CDK12: variants seen among roughly 807,000 people sequenced by gnomAD.
CDK12 encodes the protein cyclin-dependent kinase 12.
CDK12 carries 17 observed loss-of-function variants against 133.8 expected under a neutral mutation model. The ratio of observed to expected loss-of-function variants is 0.13; its 90% confidence interval spans 0.09 to 0.19. CDK12 has a LOEUF of 0.19. Ranked by LOEUF, CDK12 falls within the 10% of genes least tolerant of loss-of-function variation. The pLI, the probability that CDK12 is intolerant of heterozygous loss-of-function variation, is 1.00. For missense variants in CDK12, 1,508 were observed against 1,818.7 expected (o/e 0.83, Z 3.11); for synonymous variants, 694 against 683.6 (o/e 1.02, Z -0.24).
Position 39,470,867 on chromosome 17 carries a change from T to C in CDK12, c.1047-12T>C, listed in dbSNP as rs1043468837. The C allele has an allele frequency of 1.3e-6, 2 of 1,585,614 alleles. No individual in the cohort carries two copies. The highest frequency in any genetic ancestry group is 1.7e-6 in the Non-Finnish European group (2 of 1,170,356). The stretch of plus-strand genomic sequence containing the variant: ...AGTCCATTCATTTAAAACTGGCTTT[T>C]TATTTTTCCAGTAGGAAATCCATGA... On this transcript the variant is annotated splice_polypyrimidine_tract_variant and intron_variant, in intron 1 of 13. Coordinates refer to ENST00000447079, the MANE Select transcript of CDK12 (RefSeq NM_016507.4).
At chr17:39,504,895 A>AAAAC (rs1402724462) in intron 6 of CDK12, among the ~76,000 whole-genome samples, 1 of 150,580 alleles carries the variant, frequency 6.6e-6, no homozygotes, top group East Asian at 1.9e-4. Flanking sequence ...AAAAAAAAAA[A>AAAAC]AAAACGCTAA....
chr17:39,482,015 C>CATTTTTTTTT (rs773073791), intron 2 of CDK12, among the ~76,000 whole-genome samples: 5 of 96,226 alleles, frequency 5.2e-5, no homozygotes, highest in Non-Finnish European at 8.9e-5. Flanking sequence ...CCTGGCTTGC[C>CATTTTTTTTT]TTTTTTTTTT....
At chr17:39,538,188 A>G (rs1244921849), downstream of CDK12, among the ~76,000 whole-genome samples, 1 of 152,204 alleles carries the variant, frequency 6.6e-6, no homozygotes, top group African/African-American at 2.4e-5. Context: ...ATTCAAGAAT[A>G]AGGAGGAATG....
At chr17:39,520,872 A>G (rs939218436) in intron 11 of CDK12, among the ~76,000 whole-genome samples, 1 of 151,754 alleles carries the variant, frequency 6.6e-6, no homozygotes, top group Non-Finnish European at 1.5e-5. Flanking sequence ...TTTGAGATGG[A>G]GTTTCGCTCT....
chr17:39,476,362 G>A (rs1425492332), intron 2 of CDK12, among the ~76,000 whole-genome samples: 1 of 151,952 alleles, frequency 6.6e-6, no homozygotes. Flanking sequence ...GTCCGCCTCA[G>A]CCTCCCAAAG....
intron 5 of CDK12, 137 bp from the exon 6 acceptor site, chr17:39,501,113 T>A: frequency 1.8e-6 from 1 of 558,708 alleles, no homozygotes; most frequent in Non-Finnish European, 3.1e-6. Flanking sequence ...TTCGTTTCAG[T>A]TTCTTCATCT....
intron 2 of CDK12, among the ~76,000 whole-genome samples, chr17:39,551,365 CT>C (rs1229838011): frequency 6.6e-6 from 1 of 152,130 alleles, no homozygotes; most frequent in Non-Finnish European, 1.5e-5. Context: ...CACAAATCCC[CT>C]ACAGCCCCTG....
chr17:39,503,236 C>T (rs2052857920), intron 6 of CDK12, among the ~76,000 whole-genome samples: 1 of 152,144 alleles, frequency 6.6e-6, no homozygotes, highest in Non-Finnish European at 1.5e-5. Context: ...CCACGCCCAG[C>T]TAATTTTTCT....
chr17:39,496,678 G>A (rs796856731), intron 5 of CDK12, among the ~76,000 whole-genome samples: 47 of 152,114 alleles, frequency 3.1e-4, no homozygotes, highest in African/African-American at 1.1e-3. Context: ...TCCAGCCTGG[G>A]TGACAAGAGC....
At chr17:39,492,953 A>T in intron 4 of CDK12, 63 bp downstream of exon 4, 2 of 1,367,628 alleles carry the variant, frequency 1.5e-6, no homozygotes, top group African/African-American at 2.9e-5. Flanking sequence ...CTAATATCTT[A>T]AGTGGATTTA....
chr17:39,506,094 A>G (rs939874227), intron 6 of CDK12, among the ~76,000 whole-genome samples: 1 of 152,154 alleles, frequency 6.6e-6, no homozygotes, highest in Non-Finnish European at 1.5e-5. Context: ...AATGACAGCC[A>G]TGTTGAATGG....
rs2145192545 is a variant in CDK12 at position 39,471,161 on chromosome 17, G to A, written c.1329G>A (p.Glu443=). The A allele has an allele frequency of 1.3e-6, 2 of 1,581,748 alleles. No homozygotes were observed. Among genetic ancestry groups the A allele is most frequent in the South Asian group, 1.2e-5 (1 of 85,292 alleles). ...SSVEAKDSGL[E]SKKLPRSVKL... ...TAGAGGCTAAGGATTCAGGTTTGGA[G>A]TCTAAAAAGTTACCCAGAAGTGTAA... is the stretch of plus-strand genomic sequence containing the variant. Residue 443 remains glutamate, a synonymous_variant, in exon 2 of 14, where the codon GAG becomes GAA. Coordinates refer to ENST00000447079, the MANE Select transcript of CDK12 (RefSeq NM_016507.4).
At position 39,470,878 on chromosome 17, in the gene CDK12, G is replaced by T; in HGVS notation, c.1047-1G>T. 1 of 1,592,348 alleles carries T rather than the reference G, an allele frequency of 6.3e-7. No individual in the cohort carries two copies. The highest frequency in any genetic ancestry group is 1.9e-5 in the Admixed American group (1 of 53,834). The stretch of plus-strand genomic sequence containing the variant: ...TTAAAACTGGCTTTTTATTTTTCCA[G>T]TAGGAAATCCATGAAGTCCAGAAGT... On this transcript the variant is annotated splice_acceptor_variant, in intron 1 of 13. Transcript: ENST00000447079. LOFTEE classifies it high-confidence loss of function.
chr17:39,545,543 G>A (rs1430047675), upstream of CDK12, among the ~76,000 whole-genome samples: 2 of 143,878 alleles, frequency 1.4e-5, no homozygotes, highest in Non-Finnish European at 3.0e-5. Context: ...CTGTTGCCCA[G>A]GCTGGAGCGA....
chr17:39,477,580 T>A (rs1356991250), intron 2 of CDK12, among the ~76,000 whole-genome samples: 2 of 146,926 alleles, frequency 1.4e-5, no homozygotes, highest in African/African-American at 2.5e-5. Context: ...ATTTATTTTT[T>A]TTTTTTTTTT....
At chr17:39,510,872 C>T (rs1467900670) in intron 7 of CDK12, among the ~76,000 whole-genome samples, 2 of 149,156 alleles carry the variant, frequency 1.3e-5, no homozygotes, top group Non-Finnish European at 3.0e-5. Flanking sequence ...CTTGGCCTCC[C>T]AAAGTGCTGG....
intron 11 of CDK12, among the ~76,000 whole-genome samples, chr17:39,521,308 G>A (rs1037809047): frequency 6.6e-5 from 10 of 151,866 alleles, no homozygotes; most frequent in African/African-American, 2.2e-4. Flanking sequence ...TTCACTCTTC[G>A]CATCCAGGCT....
Position 39,531,257 on chromosome 17 carries a change from T to C in CDK12, c.4414T>C (p.Tyr1472His), listed in dbSNP as rs1318125322. 2.0e-6 allele frequency: 3 copies of C among 1,509,896 alleles called. No individual in the cohort carries two copies. In the East Asian group the frequency reaches 6.9e-5, roughly 35 times the overall value. The allele number at this position is 1,509,896 out of a possible 1,614,324, so 93.5% of individuals were successfully genotyped here. The change falls in exon 14 of 14, where the codon TAT becomes CAT. Residue 1472 changes from tyrosine to histidine, a missense_variant. This residue lies in a region of CDK12 where 114 missense variants were observed against 101.2 expected (regional missense o/e 1.13). Coordinates refer to ENST00000447079, the MANE Select transcript of CDK12 (RefSeq NM_016507.4). ...PTQSSAYGKL[Y>H]RGPTRVPPRG... ...TCAGTCTTCTGCTTATGGAAAACTC[T>C]ATCGGGGGCCTACAAGAGTCCCACC...
In CDK12 at chr17:39,534,290, A is replaced by G. The variant is rs2143358200; in HGVS notation, c.*2974A>G. 4.3e-6 allele frequency: 1 copy of G among 232,956 alleles called. No homozygotes were observed. The highest frequency in any genetic ancestry group is 1.8e-4 in the South Asian group (1 of 5,516). 14.4% of individuals were successfully genotyped at this position (232,956 alleles called of 1,614,324 possible). A position where few individuals can be genotyped will look rare whatever the true frequency, so the allele number is the denominator to read the frequency against. ...TTGTATGTGTGTGTGTATATATAAT[A>G]TGCATATATAGTTACCGTGCTAAAA... On this transcript the variant is annotated 3_prime_UTR_variant, in exon 14 of 14. Transcript: ENST00000447079.
Sources: allele counts gnomAD v4.1 joint callset (sites outside exome capture counted in the v4.1 genomes callset), GRCh38; gene constraint gnomAD v4.1.1; regional missense constraint gnomAD v4.1.1; transcripts MANE v1.5; gene names NCBI Gene and HGNC (gene_info 2026-07-23, HGNC 2026-07-21).